The following GRM5 variants were observed in gnomAD, a reference collection of about 807,000 sequenced individuals.
GRM5 encodes the protein glutamate metabotropic receptor 5.
In GRM5, 19 loss-of-function variants were observed where a neutral mutation model predicts 83.1. That is an observed-to-expected ratio of 0.23 (90% CI 0.16 to 0.34). GRM5 has a LOEUF of 0.34. GRM5 is among the 10% of genes least tolerant of loss of function. The pLI, the probability that GRM5 is intolerant of heterozygous loss-of-function variation, is 1.00. For synonymous variants in GRM5, 675 were observed against 633.6 expected (o/e 1.07, Z -0.98); for missense variants, 1,160 against 1,588.3 (o/e 0.73, Z 4.58).
At chr11:88,898,433 A>G (rs914602959) in intron 2 of GRM5, among the ~76,000 whole-genome samples, 5 of 151,998 alleles carry the variant, frequency 3.3e-5, no homozygotes, top group African/African-American at 1.2e-4. Flanking sequence ...CCAAAACACC[A>G]GTTTGCTTAA....
At chr11:88,563,508 CAG>C (rs1270214098) in intron 8 of GRM5, among the ~76,000 whole-genome samples, 1 of 152,152 alleles carries the variant, frequency 6.6e-6, no homozygotes, top group African/African-American at 2.4e-5. Flanking sequence ...CATCCAGAAA[CAG>C]AGGGCATACC....
intron 2 of GRM5, among the ~76,000 whole-genome samples, chr11:88,985,218 T>C (rs940534680): frequency 6.6e-6 from 1 of 152,260 alleles, no homozygotes; most frequent in East Asian, 1.9e-4. Context: ...AAAGGTTAGA[T>C]GCCATAACTC....
At chr11:88,726,982 G>A (rs1054392632) in intron 3 of GRM5, among the ~76,000 whole-genome samples, 10 of 152,040 alleles carry the variant, frequency 6.6e-5, no homozygotes, top group African/African-American at 1.2e-4. Context: ...CTGCATCAAC[G>A]AATGGGCAAA....
At chr11:88,777,105 T>A (rs2387410) in intron 3 of GRM5, among the ~76,000 whole-genome samples, 1 of 151,988 alleles carries the variant, frequency 6.6e-6, no homozygotes, top group South Asian at 2.1e-4. Flanking sequence ...TCTTTTCACA[T>A]AGTCCCATAG....
At chr11:89,041,434 C>T (rs140860307) in intron 2 of GRM5, among the ~76,000 whole-genome samples, 437 of 152,276 alleles carry the variant, frequency 2.9e-3, no homozygotes, top group African/African-American at 9.9e-3. Flanking sequence ...GAAGCTATCC[C>T]AGGCATTAGT....
rs543148516 is a variant in GRM5 at position 88,993,300 on chromosome 11, C to A, written c.661+53912G>T. Among the ~76,000 whole-genome samples the A allele has an allele frequency of 1.8e-3, 265 of 147,210 alleles. 1 individual carries two copies. Among genetic ancestry groups the A allele is most frequent in the African/African-American group, 6.0e-3 (242 of 40,340 alleles). On this transcript the variant is annotated intron_variant, in intron 2 of 9. Coordinates refer to ENST00000305447, the MANE Select transcript of GRM5 (RefSeq NM_001143831.3). ...AAAAAAAAAGACAAGTGTCCAGTTT[C>A]ATTCTTTTATATATGGATATCCATT...
At chr11:88,821,934 CTTACAT>C (rs148496861) in intron 3 of GRM5, among the ~76,000 whole-genome samples, 7,693 of 152,108 alleles carry the variant, frequency 0.051, 359 homozygotes, top group Admixed American at 0.16. Flanking sequence ...CAATTTCCTA[CTTACAT>C]TTTATCATGA....
chr11:88,994,882 C>T (rs113714405), intron 2 of GRM5, among the ~76,000 whole-genome samples: 3,801 of 152,142 alleles, frequency 0.025, 58 homozygotes, highest in Middle Eastern at 0.065. Flanking sequence ...GGGAATGCTT[C>T]ACCTATAGCT....
intron 2 of GRM5, chr11:88,911,837 C>T (rs1945504816): frequency 3.1e-6 from 1 of 323,806 alleles, no homozygotes; most frequent in South Asian, 2.5e-5. Flanking sequence ...TTGCCTTATG[C>T]ATTTGGCATC....
chr11:88,690,432 T>C (rs1940753382), intron 3 of GRM5, among the ~76,000 whole-genome samples: 2 of 152,132 alleles, frequency 1.3e-5, no homozygotes, highest in Non-Finnish European at 2.9e-5. Context: ...TTCATTAAAA[T>C]AGGATATTAT....
At chr11:88,583,075 T>C (rs768089128) in intron 7 of GRM5, among the ~76,000 whole-genome samples, 3 of 152,070 alleles carry the variant, frequency 2.0e-5, no homozygotes, top group Non-Finnish European at 4.4e-5. Context: ...AAAAGAAATC[T>C]TCCCCATGTT....
At chr11:88,949,792 A>G (rs1038293960) in intron 2 of GRM5, among the ~76,000 whole-genome samples, 7 of 152,228 alleles carry the variant, frequency 4.6e-5, no homozygotes, top group African/African-American at 1.7e-4. Context: ...CCCATACTAT[A>G]CAATAAGAAT....
At chr11:88,891,168 G>C (rs1945138253) in intron 2 of GRM5, among the ~76,000 whole-genome samples, 1 of 151,948 alleles carries the variant, frequency 6.6e-6, no homozygotes. Context: ...AGATTAGATG[G>C]AATTGTCTTT....
chr11:88,751,854 A>T (rs981306992), intron 3 of GRM5, among the ~76,000 whole-genome samples: 1 of 152,176 alleles, frequency 6.6e-6, no homozygotes, highest in African/African-American at 2.4e-5. Context: ...CAAAAACCAC[A>T]CGATTATCCA....
At chr11:89,057,774 TA>T (rs1302694016) in intron 1 of GRM5, among the ~76,000 whole-genome samples, 1 of 152,224 alleles carries the variant, frequency 6.6e-6, no homozygotes, top group Non-Finnish European at 1.5e-5. Flanking sequence ...TACATATCAT[TA>T]AATGCTTGAG....
chr11:89,063,045 CTTCCTG>C (rs1942026715), intron 1 of GRM5, among the ~76,000 whole-genome samples: 1 of 152,280 alleles, frequency 6.6e-6, no homozygotes, highest in Admixed American at 6.5e-5. Context: ...TGTCCCCCCT[CTTCCTG>C]CAGCAGGCGC....
chr11:88,606,755 G>T (rs1938153309), intron 4 of GRM5, among the ~76,000 whole-genome samples: 1 of 151,982 alleles, frequency 6.6e-6, no homozygotes, highest in African/African-American at 2.4e-5. Flanking sequence ...TCCTGCCTGT[G>T]GTAGAGGCCA....
At chr11:88,767,283 C>A (rs904264138) in intron 3 of GRM5, among the ~76,000 whole-genome samples, 1 of 151,920 alleles carries the variant, frequency 6.6e-6, no homozygotes, top group East Asian at 1.9e-4. Context: ...CCTCAAATAA[C>A]TAAAACAGAA....
At chr11:88,559,888 C>T (rs1234335616) in intron 8 of GRM5, among the ~76,000 whole-genome samples, 2 of 152,100 alleles carry the variant, frequency 1.3e-5, no homozygotes, top group Non-Finnish European at 2.9e-5. Context: ...GTGAGAAGCA[C>T]ATGGCTCATT....
Sources: allele counts gnomAD v4.1 joint callset (sites outside exome capture counted in the v4.1 genomes callset), GRCh38; gene constraint gnomAD v4.1.1; transcripts MANE v1.5; gene names NCBI Gene and HGNC (gene_info 2026-07-23, HGNC 2026-07-21).